GRM1: variants seen among roughly 807,000 people sequenced by gnomAD.
The protein encoded by GRM1 is metabotropic glutamate receptor 1.
Under a neutral mutation model 90.9 loss-of-function variants are expected in GRM1, and 33 were observed. That is an observed-to-expected ratio of 0.36 (90% CI 0.28 to 0.49). The LOEUF (loss-of-function observed/expected upper bound fraction) is 0.49, where lower values mean the gene tolerates loss of function less well. Ranked by LOEUF, GRM1 falls within the 20% of genes least tolerant of loss-of-function variation. The pLI, the probability that GRM1 is intolerant of heterozygous loss-of-function variation, is 0.99. For missense variants in GRM1, 1,190 were observed against 1,534.3 expected (o/e 0.78, Z 3.75); for synonymous variants, 700 against 613.2 (o/e 1.14, Z -2.09).
intron 2 of GRM1, among the ~76,000 whole-genome samples, chr6:146,247,009 C>T (rs753442798): frequency 1.3e-5 from 2 of 152,132 alleles, no homozygotes; most frequent in Non-Finnish European, 2.9e-5. Context: ...ATTCAGGAAT[C>T]AGGAAAATAA....
intron 1 of GRM1, among the ~76,000 whole-genome samples, chr6:146,157,179 A>G (rs1777552805): frequency 6.6e-6 from 1 of 152,168 alleles, no homozygotes; most frequent in Admixed American, 6.5e-5. Context: ...GGAGCAGAGA[A>G]AGAAAATCCA....
chr6:146,378,267 G>A (rs1273289487), intron 5 of GRM1, among the ~76,000 whole-genome samples: 1 of 152,122 alleles, frequency 6.6e-6, no homozygotes, highest in Admixed American at 6.5e-5. Context: ...TAAGAAGAGG[G>A]CCACCATCCT....
At chr6:146,310,187 T>A (rs189416203) in intron 3 of GRM1, among the ~76,000 whole-genome samples, 1 of 152,364 alleles carries the variant, frequency 6.6e-6, no homozygotes, top group East Asian at 1.9e-4. Context: ...GCAAGGGGAC[T>A]CTTACTCCAA....
intron 7 of GRM1, among the ~76,000 whole-genome samples, chr6:146,428,552 A>G (rs1778297194): frequency 6.6e-6 from 1 of 152,222 alleles, no homozygotes; most frequent in Non-Finnish European, 1.5e-5. Context: ...TGAGGAGCAT[A>G]AAAATCTCTT....
chr6:146,223,000 G>C (rs1309104717), intron 2 of GRM1, among the ~76,000 whole-genome samples: 1 of 151,926 alleles, frequency 6.6e-6, no homozygotes, highest in African/African-American at 2.4e-5. Context: ...ATCAGAAGAA[G>C]TACCTTATTT....
At chr6:146,092,700 G>C (rs1776753256) in intron 1 of GRM1, among the ~76,000 whole-genome samples, 1 of 152,026 alleles carries the variant, frequency 6.6e-6, no homozygotes, top group Non-Finnish European at 1.5e-5. Flanking sequence ...ATCTGAGAGG[G>C]CTTACTGCAT....
chr6:146,137,997 T>A (rs374321232), intron 1 of GRM1, among the ~76,000 whole-genome samples: 1 of 152,248 alleles, frequency 6.6e-6, no homozygotes, highest in African/African-American at 2.4e-5. Context: ...TTTTTAAATA[T>A]TGATTTTGTA....
chr6:146,242,008 G>C (rs1344668149), intron 2 of GRM1, among the ~76,000 whole-genome samples: 3 of 152,054 alleles, frequency 2.0e-5, no homozygotes, highest in African/African-American at 7.2e-5. Context: ...AGGACACAAG[G>C]ACCTGTTTAT....
intron 1 of GRM1, among the ~76,000 whole-genome samples, chr6:146,107,278 A>C (rs1775344929): frequency 6.6e-6 from 1 of 152,240 alleles, no homozygotes; most frequent in Admixed American, 6.5e-5. Flanking sequence ...AAGGTACAAT[A>C]CATAAAATAA....
intron 3 of GRM1, among the ~76,000 whole-genome samples, chr6:146,345,125 A>G (rs1028496991): frequency 6.6e-6 from 1 of 152,168 alleles, no homozygotes; most frequent in African/African-American, 2.4e-5. Context: ...TCCACAGTAT[A>G]TCTTATTCCC....
At chr6:146,431,783 T>C (rs1020698748) in intron 7 of GRM1, among the ~76,000 whole-genome samples, 8 of 152,228 alleles carry the variant, frequency 5.3e-5, no homozygotes, top group Non-Finnish European at 1.2e-4. Context: ...ATGCTATATA[T>C]AGTAAGGCAT....
chr6:146,252,476 A>G (rs1336901619), intron 2 of GRM1, among the ~76,000 whole-genome samples: 1 of 152,016 alleles, frequency 6.6e-6, no homozygotes, highest in Admixed American at 6.6e-5. Flanking sequence ...TATCTCTACT[A>G]AAAATAGAAA....
At chr6:146,194,439 A>G (rs1458529599) in intron 2 of GRM1, among the ~76,000 whole-genome samples, 1 of 152,138 alleles carries the variant, frequency 6.6e-6, no homozygotes, top group Non-Finnish European at 1.5e-5. Flanking sequence ...AACTTTCTCG[A>G]CTTCATTGGC....
At chr6:146,264,750 A>T (rs1386655717) in intron 2 of GRM1, among the ~76,000 whole-genome samples, 3 of 152,024 alleles carry the variant, frequency 2.0e-5, no homozygotes, top group South Asian at 2.1e-4. Flanking sequence ...ATGTGTGCCC[A>T]TTGCTTAGCT....
At chr6:146,428,288 A>G (rs918404938) in intron 7 of GRM1, among the ~76,000 whole-genome samples, 1 of 152,288 alleles carries the variant, frequency 6.6e-6, no homozygotes, top group Non-Finnish European at 1.5e-5. Context: ...TGAATAGGCA[A>G]GGCAAAGAGA....
chr6:146,353,831 C>T (rs1005307939), intron 4 of GRM1, among the ~76,000 whole-genome samples: 8 of 152,180 alleles, frequency 5.3e-5, no homozygotes, highest in East Asian at 1.9e-4. Context: ...GGGGTTTCAC[C>T]GTGTTGGCCA....
At chr6:146,404,369 T>G (rs903843514) in intron 7 of GRM1, among the ~76,000 whole-genome samples, 1 of 152,058 alleles carries the variant, frequency 6.6e-6, no homozygotes, top group African/African-American at 2.4e-5. Context: ...TGCACCAATC[T>G]TGCAATATGG....
intron 1 of GRM1, among the ~76,000 whole-genome samples, chr6:146,149,121 G>A (rs139523446): frequency 6.6e-6 from 1 of 152,298 alleles, no homozygotes; most frequent in East Asian, 1.9e-4. Flanking sequence ...ATTGTATGAA[G>A]CTCTAAAATG....
chr6:146,285,207 T>A (rs1782713956), intron 2 of GRM1, among the ~76,000 whole-genome samples: 1 of 152,196 alleles, frequency 6.6e-6, no homozygotes, highest in African/African-American at 2.4e-5. Flanking sequence ...ACTGAACACA[T>A]TTCAGGCCAA....
Sources: gnomAD v4.1 joint callset for allele counts (sites outside exome capture counted in the v4.1 genomes callset) on GRCh38, gnomAD v4.1.1 for gene constraint, MANE v1.5 for transcripts, NCBI Gene and HGNC (gene_info 2026-07-23, HGNC 2026-07-21) for gene names.